ACAP2: variants seen among roughly 807,000 people sequenced by gnomAD.
ACAP2 encodes the protein ArfGAP with coiled-coil, ankyrin repeat and PH domains 2.
Under a neutral mutation model 115.8 loss-of-function variants are expected in ACAP2, and 39 were observed. That is an observed-to-expected ratio of 0.34 (90% confidence interval 0.26 to 0.44). The LOEUF (loss-of-function observed/expected upper bound fraction) is 0.44. Among genes scored for constraint, ACAP2 ranks in the 20% least tolerant of loss-of-function variants. The pLI, the probability that ACAP2 is intolerant of heterozygous loss-of-function variation, is 1.00. For synonymous variants in ACAP2, 289 were observed against 315.8 expected (o/e 0.92, Z 0.90); for missense variants, 662 against 927.6 (o/e 0.71, Z 3.72).
At chr3:195,282,265 A>G (rs1726555996) in intron 22 of ACAP2, 1 of 152,334 alleles carries the variant, frequency 6.6e-6, no homozygotes, top group Middle Eastern at 3.4e-3. Context: ...AAAACAAATT[A>G]TAAGACTCAA....
At chr3:195,280,907 G>T (rs1726458523) in intron 22 of ACAP2, 1 of 152,150 alleles carries the variant, frequency 6.6e-6, no homozygotes, top group Non-Finnish European at 1.5e-5. Flanking sequence ...TCTCCTATAA[G>T]ATACCTTGCA....
intron 4 of ACAP2, among the ~76,000 whole-genome samples, chr3:195,349,469 C>T (rs1303630198): frequency 2.0e-5 from 3 of 151,452 alleles, no homozygotes; most frequent in African/African-American, 7.3e-5. Flanking sequence ...GCAACAGGAG[C>T]GAAACTCCAT....
chr3:195,441,008 T>C (rs781223378), intron 1 of ACAP2, among the ~76,000 whole-genome samples: 1 of 152,168 alleles, frequency 6.6e-6, no homozygotes, highest in Non-Finnish European at 1.5e-5. Context: ...CCCTACAACT[T>C]AATCAGTATG....
intron 10 of ACAP2, among the ~76,000 whole-genome samples, chr3:195,311,095 TTTTTTTTG>T (rs1430081627): frequency 0.053 from 2,693 of 50,902 alleles, 70 homozygotes; most frequent in East Asian, 0.3. Context: ...TTTTTTTGTT[TTTTTTTTG>T]TTTTTTTTTT....
chr3:195,323,444 G>A (rs112815487), intron 9 of ACAP2, among the ~76,000 whole-genome samples: 1 of 152,104 alleles, frequency 6.6e-6, no homozygotes, highest in African/African-American at 2.4e-5. Flanking sequence ...ATAACATTTA[G>A]AATACAAGTG....
intron 1 of ACAP2, among the ~76,000 whole-genome samples, chr3:195,394,878 A>G (rs1325055219): frequency 6.7e-6 from 1 of 150,348 alleles, no homozygotes; most frequent in Non-Finnish European, 1.5e-5. Flanking sequence ...TGACTGCACC[A>G]CTGCGCTCCT....
At chr3:195,381,775 G>T in intron 3 of ACAP2, 128 bp downstream of exon 3, 1 of 1,058,290 alleles carries the variant, frequency 9.4e-7, no homozygotes, top group Non-Finnish European at 1.4e-6. Flanking sequence ...AGCACCAAGG[G>T]GTGACCACTT....
intron 1 of ACAP2, among the ~76,000 whole-genome samples, chr3:195,438,992 C>G (rs947343685): frequency 6.6e-6 from 1 of 151,602 alleles, no homozygotes; most frequent in African/African-American, 2.4e-5. Flanking sequence ...ACCCAAGAGC[C>G]GGAGGGTGCA....
intron 2 of ACAP2, among the ~76,000 whole-genome samples, chr3:195,383,004 A>T (rs1734052310): frequency 6.6e-6 from 1 of 152,124 alleles, no homozygotes; most frequent in Admixed American, 6.5e-5. Flanking sequence ...TGCATCCAAG[A>T]GGGGAGGTAT....
At chr3:195,435,968 A>G (rs1715506027) in intron 1 of ACAP2, among the ~76,000 whole-genome samples, 2 of 152,088 alleles carry the variant, frequency 1.3e-5, no homozygotes, top group Admixed American at 1.3e-4. Flanking sequence ...ATGATTGCTG[A>G]ATTGTCTATT....
chr3:195,400,536 A>G (rs1295503457), intron 1 of ACAP2, among the ~76,000 whole-genome samples: 1 of 152,136 alleles, frequency 6.6e-6, no homozygotes, highest in East Asian at 1.9e-4. Context: ...TTCTTTTTAA[A>G]GTTGACTTTC....
At chr3:195,415,175 A>C (rs1713613127) in intron 1 of ACAP2, among the ~76,000 whole-genome samples, 1 of 152,192 alleles carries the variant, frequency 6.6e-6, no homozygotes, top group Non-Finnish European at 1.5e-5. Flanking sequence ...ATTCTGGTAC[A>C]GGATGTTGAT....
intron 4 of ACAP2, among the ~76,000 whole-genome samples, chr3:195,360,743 G>A (rs1216694548): frequency 1.3e-5 from 2 of 151,900 alleles, no homozygotes; most frequent in Non-Finnish European, 2.9e-5. Context: ...GCAGTGAGTT[G>A]GGATCGTGCC....
intron 4 of ACAP2, among the ~76,000 whole-genome samples, chr3:195,347,846 A>C (rs1731283291): frequency 6.6e-6 from 1 of 151,984 alleles, no homozygotes; most frequent in Non-Finnish European, 1.5e-5. Context: ...ATCTCTCTAT[A>C]TATATACATT....
chr3:195,392,130 ACTT>A lies in ACAP2; in HGVS notation c.68_70del (p.Glu23del), dbSNP rs760227561. 1 of 1,612,780 alleles carries A rather than the reference ACTT, an allele frequency of 6.2e-7. No individual in the cohort carries two copies. The highest frequency in any genetic ancestry group is 1.1e-5 in the South Asian group (1 of 90,710). ...TTCCAATTCTGCCACATCACCTTCT[ACTT>A]CTTCCAAAGCTGCCCTAGAAAAATT... is the stretch of plus-strand genomic sequence containing the variant. On this transcript the variant is annotated inframe_deletion, in exon 2 of 23. Coordinates refer to ENST00000326793, the MANE Select transcript of ACAP2 (RefSeq NM_012287.6).
At chr3:195,427,248 A>G (rs1714752389) in intron 1 of ACAP2, among the ~76,000 whole-genome samples, 1 of 152,212 alleles carries the variant, frequency 6.6e-6, no homozygotes, top group African/African-American at 2.4e-5. Context: ...CCTTCCAGAA[A>G]AGAATGCAGC....
chr3:195,358,212 T>C (rs1236529636), intron 4 of ACAP2, among the ~76,000 whole-genome samples: 2 of 152,066 alleles, frequency 1.3e-5, no homozygotes, highest in Non-Finnish European at 2.9e-5. Flanking sequence ...AAAACCTAGA[T>C]AATAACAACT....
Position 195,437,213 on chromosome 3 carries a change from T to A in ACAP2, c.53+5582A>T, listed in dbSNP as rs372677569. Among the ~76,000 whole-genome samples the A allele has an allele frequency of 1.4e-3, 207 of 151,560 alleles. No individual in the cohort carries two copies. In the Middle Eastern group the frequency reaches 0.028, roughly 20 times the overall value. On this transcript the variant is annotated intron_variant, in intron 1 of 22. Coordinates refer to ENST00000326793, the MANE Select transcript of ACAP2 (RefSeq NM_012287.6). ...AGGCGTGGGCCACATTTGGCTAATTTTTTTTTTTTTGTAAAGACAGGGTCT... is the reference window on the plus strand; with the variant it reads ...AGGCGTGGGCCACATTTGGCTAATTATTTTTTTTTTGTAAAGACAGGGTCT...
chr3:195,392,889 T>C (rs999813922), intron 1 of ACAP2, among the ~76,000 whole-genome samples: 3 of 152,236 alleles, frequency 2.0e-5, no homozygotes, highest in African/African-American at 7.2e-5. Context: ...ATGTAATTCA[T>C]CTACTTTAAG....
Sources: allele counts gnomAD v4.1 joint callset (sites outside exome capture counted in the v4.1 genomes callset), GRCh38; gene constraint gnomAD v4.1.1; transcripts MANE v1.5; gene names NCBI Gene and HGNC (gene_info 2026-07-23, HGNC 2026-07-21).